Variants in DCC observed in about 807,000 individuals in gnomAD.
The protein encoded by DCC is DCC netrin 1 receptor.
In DCC, 58 loss-of-function variants were observed where a neutral mutation model predicts 172.5. The observed-to-expected ratio is 0.34, with a 90% CI of 0.27 to 0.42. The LOEUF (loss-of-function observed/expected upper bound fraction) is 0.42, where lower values mean the gene tolerates loss of function less well. Among genes scored for constraint, DCC ranks in the 10% least tolerant of loss-of-function variants. DCC has a pLI of 1.00. For missense variants in DCC, 1,740 were observed against 1,791.0 expected (o/e 0.97, Z 0.51); for synonymous variants, 709 against 644.5 (o/e 1.10, Z -1.52).
At chr18:52,430,529 T>G (rs996964031) in intron 1 of DCC, among the ~76,000 whole-genome samples, 2 of 152,114 alleles carry the variant, frequency 1.3e-5, no homozygotes, top group African/African-American at 4.8e-5. Flanking sequence ...GGGACAGTGA[T>G]GAGCCTGGTA....
At chr18:52,956,115 T>G (rs9959777) in intron 5 of DCC, among the ~76,000 whole-genome samples, 59,688 of 151,714 alleles carry the variant, frequency 0.39, 12,231 homozygotes, top group Non-Finnish European at 0.46. Context: ...TTGCCTTTAG[T>G]GTTGTATCTA....
Position 53,011,851 on chromosome 18 carries a change from TATA to T in DCC, c.986-51451_986-51449del, listed in dbSNP as rs1320577381. ...CCTTCATCCGGTCACATATTCATAT[TATA>T]ATGATTATATAAGCTATAACTTTAT... On this transcript the variant is annotated intron_variant, in intron 5 of 28. Transcript: ENST00000442544. Among the ~76,000 whole-genome samples, 24 of 151,942 alleles carry T rather than the reference TATA, an allele frequency of 1.6e-4. No individual in the cohort carries two copies. In the South Asian group the frequency reaches 1.7e-3, roughly 10 times the overall value.
chr18:52,552,268 A>G (rs2032797407), intron 1 of DCC, among the ~76,000 whole-genome samples: 1 of 152,066 alleles, frequency 6.6e-6, no homozygotes, highest in Non-Finnish European at 1.5e-5. Flanking sequence ...CAGAGAAAGC[A>G]TAGGCCATTC....
intron 5 of DCC, among the ~76,000 whole-genome samples, chr18:53,047,312 T>TTA (rs1255689776): frequency 4.9e-5 from 1 of 20,254 alleles, no homozygotes; most frequent in Non-Finnish European, 1.1e-4. Context: ...ATATATAATT[T>TTA]TATATATATA....
At chr18:52,702,701 T>C (rs2036144936) in intron 1 of DCC, among the ~76,000 whole-genome samples, 1 of 152,196 alleles carries the variant, frequency 6.6e-6, no homozygotes, top group Non-Finnish European at 1.5e-5. Flanking sequence ...TTAAAAATTC[T>C]AGCTCCCTTG....
chr18:52,812,038 C>A (rs922538365), intron 2 of DCC, among the ~76,000 whole-genome samples: 1 of 152,112 alleles, frequency 6.6e-6, no homozygotes, highest in Non-Finnish European at 1.5e-5. Context: ...CAGCATGGTC[C>A]ATGAAAGTGG....
At position 53,154,378 on chromosome 18, in the gene DCC, G is replaced by A. The variant is rs78664066; in HGVS notation, c.1262-2978G>A. On this transcript the variant is annotated intron_variant, in intron 7 of 28. Coordinates refer to ENST00000442544, the MANE Select transcript of DCC (RefSeq NM_005215.4). ...AGTCCTCTTCTGAAGCCTTGTTTAC[G>A]GAGAAAGCCACCCAAGACCCATGGT... Among the ~76,000 whole-genome samples, 493 of 152,250 alleles carry A rather than the reference G, an allele frequency of 3.2e-3. 2 individuals carry two copies. The highest frequency in any genetic ancestry group is 0.014 in the Middle Eastern group (4 of 294).
At chr18:53,073,324 G>A (rs1014396526) in intron 7 of DCC, among the ~76,000 whole-genome samples, 1 of 152,132 alleles carries the variant, frequency 6.6e-6, no homozygotes, top group Admixed American at 6.6e-5. Flanking sequence ...AGGAGATCGA[G>A]ACCATCCTGG....
chr18:53,205,227 G>T lies in DCC; in HGVS notation c.1585G>T (p.Gly529Trp), dbSNP rs754088312. Residue 529 changes from glycine (G) to tryptophan (W), a missense_variant, in exon 10 of 29, where the codon GGG (glycine) becomes TGG (tryptophan). Around this residue, in one of 2 missense-constraint regions of DCC, gnomAD observed 1,732 missense variants for 1,767.4 expected, o/e 0.98. Transcript: ENST00000442544. ...ATTTTTTTATACAGTGCAAGTTCCA[G>T]GGCCAGTAGAAAACCTGCAAGCTGT... ...VATQPELQVPGPVENLQAVST... is the reference protein window; with the variant it reads ...VATQPELQVPWPVENLQAVST... 6.2e-7 allele frequency: 1 copy of T among 1,613,016 alleles called. No homozygotes were observed. Among genetic ancestry groups the T allele is most frequent in the Non-Finnish European group, 8.5e-7 (1 of 1,179,154 alleles).
In DCC at chr18:53,495,145, A is replaced by C. The variant is rs529791694; in HGVS notation, c.3899-4153A>C. On this transcript the variant is annotated intron_variant, in intron 26 of 28. Coordinates refer to ENST00000442544, the MANE Select transcript of DCC (RefSeq NM_005215.4). The stretch of plus-strand genomic sequence containing the variant: ...GGTGACTCATGCCTGTAATCCCAGC[A>C]CTTTGGGAGGCCAAGGCTGGTGGAG... Among the ~76,000 whole-genome samples the C allele has an allele frequency of 5.9e-5, 9 of 152,274 alleles. No individual in the cohort carries two copies. In the South Asian group the frequency reaches 1.7e-3, roughly 28 times the overall value.
At chr18:52,700,542 T>A (rs2036107561) in intron 1 of DCC, among the ~76,000 whole-genome samples, 1 of 152,228 alleles carries the variant, frequency 6.6e-6, no homozygotes, top group Non-Finnish European at 1.5e-5. Context: ...TTTTCATGAA[T>A]GCCTGCTATA....
In DCC at chr18:52,841,566, A is replaced by G. The variant is rs78677431; in HGVS notation, c.413-64478A>G. ...AGAAGTGACAATGAACTGGGATGGT[A>G]CCAGTACATGTAGTGAGAAGTAGTG... On this transcript the variant is annotated intron_variant, in intron 2 of 28. Coordinates refer to ENST00000442544, the MANE Select transcript of DCC (RefSeq NM_005215.4). 8.7e-4 allele frequency among the ~76,000 whole-genome samples: 133 copies of G among 152,274 alleles called. No homozygotes were observed. In the East Asian group the frequency reaches 0.023, roughly 27 times the overall value.
At position 53,070,261 on chromosome 18, in the gene DCC, A is replaced by G. The variant is rs573794561; in HGVS notation, c.1261+4095A>G. Among the ~76,000 whole-genome samples the G allele has an allele frequency of 5.9e-5, 9 of 152,204 alleles. No homozygotes were observed. The South Asian group carries it at 1.5e-3, about 25-fold the overall frequency. On this transcript the variant is annotated intron_variant, in intron 7 of 28. Coordinates refer to ENST00000442544, the MANE Select transcript of DCC (RefSeq NM_005215.4). ...GTGATCCACCTGTCTCGGCCTCACAAAGTGCTGGGATTACAGGCCTGAGCC... is the reference window on the plus strand; with the variant it reads ...GTGATCCACCTGTCTCGGCCTCACAGAGTGCTGGGATTACAGGCCTGAGCC...
chr18:53,150,235 C>T (rs1568332715), intron 7 of DCC, among the ~76,000 whole-genome samples: 2 of 152,170 alleles, frequency 1.3e-5, no homozygotes, highest in Non-Finnish European at 2.9e-5. Flanking sequence ...TGTAATTTAT[C>T]TGCAAATTAA....
intron 1 of DCC, among the ~76,000 whole-genome samples, chr18:52,729,875 T>C (rs572062712): frequency 5.3e-4 from 81 of 152,230 alleles, no homozygotes; most frequent in African/African-American, 1.8e-3. Context: ...CCAAGTTATT[T>C]ACTTTCAGAG....
intron 1 of DCC, among the ~76,000 whole-genome samples, chr18:52,550,430 A>G (rs910330849): frequency 3.9e-5 from 6 of 152,098 alleles, no homozygotes; most frequent in Admixed American, 6.6e-5. Flanking sequence ...CGATATCTGT[A>G]TGTGTTCTAT....
chr18:53,169,447 G>C (rs1436303813), intron 8 of DCC, among the ~76,000 whole-genome samples: 1 of 152,132 alleles, frequency 6.6e-6, no homozygotes, highest in Non-Finnish European at 1.5e-5. Flanking sequence ...TTTTCATTGA[G>C]TAAATTTGCT....
chr18:52,810,241 G>A (rs575436592), intron 2 of DCC, among the ~76,000 whole-genome samples: 106 of 152,292 alleles, frequency 7.0e-4, no homozygotes, highest in Middle Eastern at 3.4e-3. Context: ...ATGGGATGCA[G>A]ATAGAGACAT....
intron 9 of DCC, among the ~76,000 whole-genome samples, chr18:53,185,381 T>C (rs915100430): frequency 6.6e-6 from 1 of 152,194 alleles, no homozygotes; most frequent in African/African-American, 2.4e-5. Flanking sequence ...CATTTAAAAA[T>C]ATTTATTTTG....
Sources: allele counts gnomAD v4.1 joint callset (sites outside exome capture counted in the v4.1 genomes callset), GRCh38; gene constraint gnomAD v4.1.1; regional missense constraint gnomAD v4.1.1; transcripts MANE v1.5; gene names NCBI Gene and HGNC (gene_info 2026-07-23, HGNC 2026-07-21).